NBEAL1: variants seen among roughly 807,000 people sequenced by gnomAD.
The protein encoded by NBEAL1 is neurobeachin-like protein 1.
Under a neutral mutation model 351.3 loss-of-function variants are expected in NBEAL1, and 273 were observed. The ratio of observed to expected loss-of-function variants is 0.78; its 90% CI spans 0.70 to 0.86. The LOEUF is 0.86. Ranked by LOEUF, NBEAL1 falls within the 40% of genes least tolerant of loss-of-function variation. The probability of loss-of-function intolerance (pLI) is 0.00; values close to 1 mark genes in which losing one functional copy is unlikely to be tolerated. For missense variants in NBEAL1, 2,961 were observed against 3,201.3 expected, an observed-to-expected ratio of 0.92 and a Z score of 1.81; for synonymous variants, 1,050 against 1,086.4, an observed-to-expected ratio of 0.97 and a Z score of 0.66.
At chr2:203,018,723 A>T (rs968228012) in intron 2 of NBEAL1, among the ~76,000 whole-genome samples, 2 of 152,098 alleles carry the variant, frequency 1.3e-5, no homozygotes, top group African/African-American at 4.8e-5. Flanking sequence ...CCCAATTTTG[A>T]CTATTACCAG....
intron 18 of NBEAL1, among the ~76,000 whole-genome samples, chr2:203,121,481 C>G (rs1232366241): frequency 6.6e-6 from 1 of 151,052 alleles, no homozygotes; most frequent in Non-Finnish European, 1.5e-5. Flanking sequence ...GGTGAAACCC[C>G]ATCTCTACTA....
chr2:203,110,406 C>A, intron 15 of NBEAL1, 124 bp downstream of exon 15: 2 of 995,668 alleles, frequency 2.0e-6, no homozygotes, highest in Non-Finnish European at 2.9e-6. Flanking sequence ...CGCAGTGGCA[C>A]ACCTGTACGT....
intron 4 of NBEAL1, among the ~76,000 whole-genome samples, chr2:203,054,012 A>G (rs1355790117): frequency 1.3e-5 from 2 of 151,744 alleles, no homozygotes; most frequent in South Asian, 2.1e-4. Context: ...GTGTACTGAC[A>G]TGATCATGGC....
At chr2:203,019,995 T>C (rs2105989610) in intron 2 of NBEAL1, among the ~76,000 whole-genome samples, 1 of 152,154 alleles carries the variant, frequency 6.6e-6, no homozygotes, top group East Asian at 1.9e-4. Flanking sequence ...TAATTGATAA[T>C]AATTTTATCT....
chr2:203,136,270 T>C lies in NBEAL1; in HGVS notation c.4389+18T>C. 6.6e-7 allele frequency: 1 copy of C among 1,507,596 alleles called. No homozygotes were observed. The highest frequency in any genetic ancestry group is 1.3e-5 in the South Asian group (1 of 77,622). The allele number at this position is 1,507,596 out of a possible 1,614,324, so 93.4% of individuals were successfully genotyped here. ...GCCAAGAGGTAAAATTGCTTATTTT[T>C]CCAAATGTTGTTTTTATTTTCATGT... On this transcript the variant is annotated intron_variant, in intron 28 of 55. Transcript: ENST00000683969.
intron 12 of NBEAL1, among the ~76,000 whole-genome samples, chr2:203,104,286 A>G (rs761806336): frequency 6.6e-6 from 1 of 152,178 alleles, no homozygotes; most frequent in Non-Finnish European, 1.5e-5. Flanking sequence ...TGAGCCCTTT[A>G]TCATTATGTA....
intron 44 of NBEAL1, among the ~76,000 whole-genome samples, chr2:203,185,366 CAGTGGCTT>C (rs1361063766): frequency 6.6e-6 from 1 of 151,992 alleles, no homozygotes; most frequent in African/African-American, 2.4e-5. Context: ...TTCCAAAATT[CAGTGGCTT>C]AAAAGTATAG....
At chr2:203,014,651 C>T (rs533032577), upstream of NBEAL1, 2 of 152,288 alleles carry the variant, frequency 1.3e-5, no homozygotes, top group Non-Finnish European at 2.9e-5. Context: ...GTTTCAGTGC[C>T]GCGGCCGGCG....
chr2:203,176,729 C>CAAAA (rs10655926), intron 42 of NBEAL1, among the ~76,000 whole-genome samples: 129 of 133,182 alleles, frequency 9.7e-4, no homozygotes, highest in Non-Finnish European at 1.5e-3. Context: ...GAAACTGTCT[C>CAAAA]AAAAAAAAAA....
chr2:203,145,997 A>C (rs1033044253), intron 33 of NBEAL1, among the ~76,000 whole-genome samples: 2 of 144,700 alleles, frequency 1.4e-5, no homozygotes, highest in Non-Finnish European at 3.1e-5. Flanking sequence ...CAAGATTGAC[A>C]AAAAAAAAAA....
At chr2:203,162,547 A>T (rs2063998549) in intron 36 of NBEAL1, among the ~76,000 whole-genome samples, 1 of 150,646 alleles carries the variant, frequency 6.6e-6, no homozygotes, top group Non-Finnish European at 1.5e-5. Context: ...TCTCCAGACC[A>T]GCCTGGACAA....
intron 12 of NBEAL1, among the ~76,000 whole-genome samples, chr2:203,102,488 C>T (rs1252546436): frequency 6.6e-6 from 1 of 152,082 alleles, no homozygotes; most frequent in Non-Finnish European, 1.5e-5. Flanking sequence ...TCCTTCAGTG[C>T]CTAGTTTGTT....
intron 44 of NBEAL1, among the ~76,000 whole-genome samples, chr2:203,186,633 T>C (rs1457645570): frequency 6.6e-6 from 1 of 152,028 alleles, no homozygotes; most frequent in Non-Finnish European, 1.5e-5. Context: ...AATAAATAAA[T>C]AAATAAATAA....
At chr2:203,202,851 A>G (rs772825944) in intron 51 of NBEAL1, 70 bp downstream of exon 51, 1 of 842,690 alleles carries the variant, frequency 1.2e-6, no homozygotes, top group South Asian at 1.4e-5. Context: ...AAAATGTTCT[A>G]CTAGGACATC....
At chr2:203,138,121 A>G (rs752092850) in intron 29 of NBEAL1, 41 bp from the exon 30 acceptor site, 4 of 1,597,554 alleles carry the variant, frequency 2.5e-6, no homozygotes, top group Non-Finnish European at 3.4e-6. Context: ...CTGTTTTTCT[A>G]AGCTCACAAT....
chr2:203,131,201 G>C (rs548767253), intron 25 of NBEAL1, among the ~76,000 whole-genome samples: 1 of 152,200 alleles, frequency 6.6e-6, no homozygotes, highest in South Asian at 2.1e-4. Flanking sequence ...TTTCAGTCCA[G>C]TTTATTCTTT....
chr2:203,063,779 A>G (rs1559340520), intron 6 of NBEAL1, among the ~76,000 whole-genome samples: 1 of 152,128 alleles, frequency 6.6e-6, no homozygotes, highest in Non-Finnish European at 1.5e-5. Context: ...GGAACAATAT[A>G]TGCACAAAAT....
intron 36 of NBEAL1, among the ~76,000 whole-genome samples, chr2:203,163,089 A>G (rs1444060027): frequency 2.6e-5 from 4 of 152,214 alleles, no homozygotes; most frequent in African/African-American, 9.6e-5. Flanking sequence ...CCTGGGAGAA[A>G]GAGGTTGCAG....
chr2:203,106,602 T>C (rs1017863824), intron 12 of NBEAL1, among the ~76,000 whole-genome samples: 2 of 152,232 alleles, frequency 1.3e-5, no homozygotes, highest in Non-Finnish European at 2.9e-5. Context: ...AAAGTTGTTT[T>C]TTTTTGTCCA....
Sources: gnomAD v4.1 joint callset for allele counts (sites outside exome capture counted in the v4.1 genomes callset) on GRCh38, gnomAD v4.1.1 for gene constraint, MANE v1.5 for transcripts, NCBI Gene and HGNC (gene_info 2026-07-23, HGNC 2026-07-21) for gene names.